The following OXER1 variants were observed in gnomAD, a reference collection of about 807,000 sequenced individuals.
The protein encoded by OXER1 is oxoeicosanoid receptor 1, also known as 5-oxo-ETE G-protein coupled receptor.
For synonymous variants in OXER1, 258 were observed against 245.8 expected, an observed-to-expected ratio of 1.05 and a Z score of -0.47; for missense variants, 587 against 551.7, an observed-to-expected ratio of 1.06 and a Z score of -0.64.
At position 42,763,401 on chromosome 2, in the gene OXER1, T is replaced by C. The variant is rs1399377281; in HGVS notation, c.779A>G (p.Glu260Gly). ...GATGAGCGCCAGTGGCAGGAAGAAC[T>C]CCAGCAGGTACAGTGCCTGGTGCCA... The change falls in exon 1 of 1, where the codon GAG (glutamate) becomes GGG (glycine). Residue 260 changes from glutamate (E) to glycine (G), a missense_variant. Coordinates refer to ENST00000378661, the Ensembl canonical transcript of OXER1. The surrounding 1 kb of genome is among the most constrained non-coding windows in gnomAD (Gnocchi z 4.4). 1 of 1,596,376 alleles carries C rather than the reference T, an allele frequency of 6.3e-7. No individual in the cohort carries two copies.
chr2:42,763,022 G>A lies in OXER1; in HGVS notation c.1158C>T (p.Tyr386=). The change falls in exon 1 of 1, where the codon TAC becomes TAT. Residue 386 remains tyrosine (Y), a synonymous_variant. Coordinates refer to ENST00000378661, the Ensembl canonical transcript of OXER1. The surrounding 1 kb of genome is among the most constrained non-coding windows in gnomAD (Gnocchi z 4.4). The stretch of plus-strand genomic sequence containing the variant: ...GGTAGCGCCACTGCCTGGAGGGTTG[G>A]TAGGAGCTCTCGTCGCTCACTGGGC... 1.2e-6 allele frequency: 2 copies of A among 1,614,066 alleles called. No homozygotes were observed. Among genetic ancestry groups the A allele is most frequent in the African/African-American group, 1.3e-5 (1 of 75,072 alleles).
chr2:42,762,841 C>T (rs2104625197), exon 1 of OXER1: 2 of 1,505,646 alleles, frequency 1.3e-6, no homozygotes, highest in South Asian at 1.3e-5. Context: ...CGTGTGCTGG[C>T]CTTGTCCCTC....
In OXER1 at chr2:42,763,265, G is replaced by A; in HGVS notation, c.915C>T (p.Thr305=). Reference sequence around the variant, plus strand: ...AGATGATGCTGGGCAAGAAGCAGATGGTGTAGACGGCCACCACCATGGCCA... The same window carrying A: ...AGATGATGCTGGGCAAGAAGCAGATAGTGTAGACGGCCACCACCATGGCCA... Residue 305 remains threonine, a synonymous_variant, in exon 1 of 1, where the codon ACC becomes ACT. Coordinates refer to ENST00000378661, the Ensembl canonical transcript of OXER1. The surrounding 1 kb of genome is among the most constrained non-coding windows in gnomAD (Gnocchi z 4.4). The A allele has an allele frequency of 3.1e-6, 5 of 1,612,904 alleles. No homozygotes were observed. The highest frequency in any genetic ancestry group is 4.2e-6 in the Non-Finnish European group (5 of 1,179,660).
Position 42,763,599 on chromosome 2 carries a change from A to G in OXER1, c.581T>C (p.Val194Ala). ...GCTCAGCACGTGGTGGGGCTGCACCACCTTCAGGTAGCGGTTGAGTGCGAT... is the reference window on the plus strand; with the variant it reads ...GCTCAGCACGTGGTGGGGCTGCACCGCCTTCAGGTAGCGGTTGAGTGCGAT... The change falls in exon 1 of 1, where the codon GTG becomes GCG. Residue 194 changes from valine to alanine, a missense_variant. Transcript: ENST00000378661. The surrounding 1 kb of genome is among the most constrained non-coding windows in gnomAD (Gnocchi z 4.4). The G allele has an allele frequency of 6.2e-7, 1 of 1,608,022 alleles. No individual in the cohort carries two copies. Among genetic ancestry groups the G allele is most frequent in the Non-Finnish European group, 8.5e-7 (1 of 1,177,398 alleles).
Position 42,763,711 on chromosome 2 carries a change from T to A in OXER1, c.469A>T (p.Thr157Ser). ...CAGGCAGCAGCCCCAAAGCGCCAGG[T>A]CTCATGGAGGAGGTAGTAGTCCACG... is the stretch of plus-strand genomic sequence containing the variant. Residue 157 changes from threonine to serine, a missense_variant, in exon 1 of 1, where the codon ACC becomes TCC. Physicochemically the swap from Thr to Ser is moderately conservative, Grantham distance 58. Coordinates refer to ENST00000378661, the Ensembl canonical transcript of OXER1. The surrounding 1 kb of genome is among the most constrained non-coding windows in gnomAD (Gnocchi z 4.4). The A allele has an allele frequency of 2.5e-6, 4 of 1,614,028 alleles. No homozygotes were observed. Among genetic ancestry groups the A allele is most frequent in the Non-Finnish European group, 3.4e-6 (4 of 1,179,996 alleles).
chr2:42,762,787 G>T, exon 1 of OXER1: 1 of 1,198,194 alleles, frequency 8.3e-7, no homozygotes, highest in Non-Finnish European at 1.2e-6. Flanking sequence ...GCTTTGGCCT[G>T]GCCCCTGGTC....
chr2:42,763,688 G>C lies in OXER1; in HGVS notation c.492C>G (p.Ala164=), dbSNP rs902047605. Residue 164 remains alanine, a synonymous_variant, in exon 1 of 1, where the codon GCC becomes GCG. Transcript: ENST00000378661. The surrounding 1 kb of genome is among the most constrained non-coding windows in gnomAD (Gnocchi z 4.4). ...ACAGCATGAAGAGGTTGACTTTGCA[G>C]GCAGCAGCCCCAAAGCGCCAGGTCT... The C allele has an allele frequency of 1.2e-6, 2 of 1,613,998 alleles. No individual in the cohort carries two copies. The highest frequency in any genetic ancestry group is 2.7e-5 in the African/African-American group (2 of 74,936).
chr2:42,762,780 T>A, exon 1 of OXER1: 2 of 1,121,426 alleles, frequency 1.8e-6, no homozygotes, highest in Non-Finnish European at 2.5e-6. Flanking sequence ...TGCCAGTGCT[T>A]TGGCCTGGCC....
chr2:42,762,622 C>T (rs574850933), exon 1 of OXER1: 306 of 455,258 alleles, frequency 6.7e-4, no homozygotes, highest in African/African-American at 5.1e-3. Flanking sequence ...CCTGCAGCTG[C>T]GCAGGCCCCT....
chr2:42,762,828 C>G (rs760394888), exon 1 of OXER1: 63 of 1,456,606 alleles, frequency 4.3e-5, no homozygotes, highest in Admixed American at 2.0e-4. Flanking sequence ...TTGGTTGAGG[C>G]ACCGTGTGCT....
chr2:42,763,488 G>A lies in OXER1; in HGVS notation c.692C>T (p.Thr231Ile). 3 of 1,556,276 alleles carry A rather than the reference G, an allele frequency of 1.9e-6. No individual in the cohort carries two copies. The highest frequency in any genetic ancestry group is 2.6e-6 in the Non-Finnish European group (3 of 1,150,220). ...GCTGAGGCAGGAGGGGCCGGAGAAG[G>A]TGCTCAGGAGCAGGTGCCCGTTGAG... Residue 231 changes from threonine (T) to isoleucine (I), a missense_variant, in exon 1 of 1, where the codon ACC becomes ATC. Thr to Ile is a moderately conservative substitution (Grantham distance 89, BLOSUM62 -1). Transcript: ENST00000378661. This position sits in a 1 kb window ranked among gnomAD's most constrained non-coding sequence, Gnocchi z 4.4.
In OXER1 at chr2:42,763,202, G is replaced by C; in HGVS notation, c.978C>G (p.Ala326=). The change falls in exon 1 of 1, where the codon GCC becomes GCG. Residue 326 remains alanine (A), a synonymous_variant. Coordinates refer to ENST00000378661, the Ensembl canonical transcript of OXER1. The surrounding 1 kb of genome is among the most constrained non-coding windows in gnomAD (Gnocchi z 4.4). The stretch of plus-strand genomic sequence containing the variant: ...GTGTGCAGAGGTCCAGGGATCGGCA[G>C]GCGGACAGCCAGAAAGCCACCATGG... 1 of 1,611,692 alleles carries C rather than the reference G, an allele frequency of 6.2e-7. No individual in the cohort carries two copies.
chr2:42,762,912 C>T (rs1275698854), exon 1 of OXER1: 1 of 1,611,298 alleles, frequency 6.2e-7, no homozygotes, highest in Non-Finnish European at 8.5e-7. Context: ...TGGCCCTCAG[C>T]CCTGGGAGGA....
At position 42,763,601 on chromosome 2, in the gene OXER1, C is replaced by A. The variant is rs373682919; in HGVS notation, c.579G>T (p.Lys193Asn). ...TCAGCACGTGGTGGGGCTGCACCAC[C>A]TTCAGGTAGCGGTTGAGTGCGATGG... The change falls in exon 1 of 1, where the codon AAG becomes AAT. Residue 193 changes from lysine to asparagine, a missense_variant. Transcript: ENST00000378661. This position sits in a 1 kb window ranked among gnomAD's most constrained non-coding sequence, Gnocchi z 4.4. 13 of 1,608,724 alleles carry A rather than the reference C, an allele frequency of 8.1e-6. No homozygotes were observed. The highest frequency in any genetic ancestry group is 1.0e-5 in the Non-Finnish European group (12 of 1,177,752).
chr2:42,763,907 C>A lies in OXER1; in HGVS notation c.273G>T (p.Val91=), dbSNP rs772733368. 6 of 1,613,950 alleles carry A rather than the reference C, an allele frequency of 3.7e-6. No homozygotes were observed. In the South Asian group the frequency reaches 6.6e-5, roughly 18 times the overall value. ...CCAGGATTGGTGCCAGGAAGGCAGACACCAGCGAGGAAGAGGTGGGGTGGC... is the reference window on the plus strand; with the variant it reads ...CCAGGATTGGTGCCAGGAAGGCAGAAACCAGCGAGGAAGAGGTGGGGTGGC... The change falls in exon 1 of 1, where the codon GTG becomes GTT. Residue 91 remains valine, a synonymous_variant. Transcript: ENST00000378661. The surrounding 1 kb of genome is among the most constrained non-coding windows in gnomAD (Gnocchi z 4.4).
exon 1 of OXER1, chr2:42,764,047 G>A (rs1345785239): frequency 6.2e-7 from 1 of 1,613,970 alleles, no homozygotes; most frequent in Non-Finnish European, 8.5e-7. Context: ...GGAGAGCTCA[G>A]GTTATGAAGT....
chr2:42,763,446 T>C lies in OXER1; in HGVS notation c.734A>G (p.Lys245Arg). The change falls in exon 1 of 1, where the codon AAG (lysine) becomes AGG (arginine). Residue 245 changes from lysine (K) to arginine (R), a missense_variant. By Grantham distance (26) the Lys-to-Arg change is conservative (BLOSUM62 2). Coordinates refer to ENST00000378661, the Ensembl canonical transcript of OXER1. This position sits in a 1 kb window ranked among gnomAD's most constrained non-coding sequence, Gnocchi z 4.4. ...GTGCCAGCGGAGCGAGGCCGAGGGC[T>C]TCGTGCCCACCCTGTAGCTGAGGCA... 3 of 1,568,974 alleles carry C rather than the reference T, an allele frequency of 1.9e-6. No homozygotes were observed. Among genetic ancestry groups the C allele is most frequent in the East Asian group, 2.4e-5 (1 of 42,264 alleles).
Position 42,763,538 on chromosome 2 carries a change from C to T in OXER1, c.642G>A (p.Gly214=). 1 of 1,559,230 alleles carries T rather than the reference C, an allele frequency of 6.4e-7. No individual in the cohort carries two copies. Among genetic ancestry groups the T allele is most frequent in the Non-Finnish European group, 8.7e-7 (1 of 1,151,986 alleles). ...GGAGCAGGATGCCCACCCAGAGTCCCCCGGCCACCCGGGCAGCTGCCCCCA... is the reference window on the plus strand; with the variant it reads ...GGAGCAGGATGCCCACCCAGAGTCCTCCGGCCACCCGGGCAGCTGCCCCCA... The change falls in exon 1 of 1, where the codon GGG becomes GGA. Residue 214 remains glycine (G), a synonymous_variant. Transcript: ENST00000378661. The surrounding 1 kb of genome is among the most constrained non-coding windows in gnomAD (Gnocchi z 4.4).
chr2:42,764,056 G>C (rs767681109), exon 1 of OXER1: 5 of 1,614,004 alleles, frequency 3.1e-6, no homozygotes, highest in Non-Finnish European at 4.2e-6. Context: ...AGGTTATGAA[G>C]TTCCATGGGC....
Sources: allele counts gnomAD v4.1 joint callset, GRCh38; gene constraint gnomAD v4.1.1; non-coding constraint Gnocchi (gnomAD v3.1); transcripts MANE v1.5; gene names NCBI Gene and HGNC (gene_info 2026-07-23, HGNC 2026-07-21).